C8orf34: variants seen among roughly 807,000 people sequenced by gnomAD.
The protein encoded by C8orf34 is uncharacterized protein C8orf34.
C8orf34 carries 65 observed loss-of-function variants against 68.3 expected under a neutral mutation model. That is an observed-to-expected ratio of 0.95 (90% CI 0.78 to 1.17). C8orf34 has a LOEUF of 1.17. C8orf34 is among the 50% of genes most tolerant of loss of function. The pLI, the probability that C8orf34 is intolerant of heterozygous loss-of-function variation, is 0.00. For synonymous variants in C8orf34, 244 were observed against 241.2 expected (o/e 1.01, Z -0.11); for missense variants, 664 against 655.4 (o/e 1.01, Z -0.14).
chr8:68,341,560 A>C (rs936282301), intron 1 of C8orf34, among the ~76,000 whole-genome samples: 1 of 152,100 alleles, frequency 6.6e-6, no homozygotes, highest in Non-Finnish European at 1.5e-5. Context: ...CTAGTGTTGA[A>C]GGTGGGGCCT....
intron 1 of C8orf34, 92 bp from the exon 2 acceptor site, chr8:68,439,407 C>A (rs1810801843): frequency 5.8e-6 from 7 of 1,207,058 alleles, no homozygotes; most frequent in South Asian, 3.0e-5. Flanking sequence ...GCAGTTAGAC[C>A]AGTACCTGAC....
intron 7 of C8orf34, among the ~76,000 whole-genome samples, chr8:68,594,368 A>G (rs1817481305): frequency 6.6e-6 from 1 of 152,056 alleles, no homozygotes; most frequent in Admixed American, 6.6e-5. Flanking sequence ...TGTTCCCTTT[A>G]TTTAAATATG....
chr8:68,548,179 T>C (rs1235830058), intron 7 of C8orf34, among the ~76,000 whole-genome samples: 3 of 151,274 alleles, frequency 2.0e-5, no homozygotes, highest in African/African-American at 4.8e-5. Flanking sequence ...AAAGAAAAAA[T>C]GGATAAATTA....
At chr8:68,805,129 G>A (rs768614490) in intron 12 of C8orf34, among the ~76,000 whole-genome samples, 4 of 152,174 alleles carry the variant, frequency 2.6e-5, no homozygotes, top group African/African-American at 7.2e-5. Flanking sequence ...AGTTTTAAAT[G>A]TTTCCTCTAA....
Position 68,488,006 on chromosome 8 carries a change from T to C in C8orf34, c.737-17T>C. On this transcript the variant is annotated splice_polypyrimidine_tract_variant and intron_variant, in intron 4 of 13. Transcript: ENST00000518698. ...TGCTTCTAAAACTTTTTTTTATAAATCTCTTTTAAATCCCAGGTATTGCAA... is the reference window on the plus strand; with the variant it reads ...TGCTTCTAAAACTTTTTTTTATAAACCTCTTTTAAATCCCAGGTATTGCAA... The C allele has an allele frequency of 6.4e-7, 1 of 1,573,894 alleles. No homozygotes were observed. The highest frequency in any genetic ancestry group is 8.7e-7 in the Non-Finnish European group (1 of 1,154,764).
At chr8:68,711,113 AG>A (rs1289186149) in intron 9 of C8orf34, among the ~76,000 whole-genome samples, 1 of 152,158 alleles carries the variant, frequency 6.6e-6, no homozygotes, top group Admixed American at 6.5e-5. Context: ...TCCTAGGGGA[AG>A]GGGGAGAACA....
chr8:68,335,881 A>AGGAC (rs1805826621), intron 1 of C8orf34, among the ~76,000 whole-genome samples: 2 of 152,044 alleles, frequency 1.3e-5, no homozygotes, highest in Non-Finnish European at 2.9e-5. Flanking sequence ...GGAGTTTGAG[A>AGGAC]CCAAAGACCA....
chr8:68,710,658 C>T (rs1279287443), intron 9 of C8orf34, among the ~76,000 whole-genome samples: 3 of 152,128 alleles, frequency 2.0e-5, no homozygotes, highest in Non-Finnish European at 4.4e-5. Flanking sequence ...CTCAGACGCA[C>T]CTATCTCTGC....
At chr8:68,749,908 C>T (rs149033371) in intron 10 of C8orf34, among the ~76,000 whole-genome samples, 215 of 152,172 alleles carry the variant, frequency 1.4e-3, no homozygotes, top group African/African-American at 4.2e-3. Context: ...TAATACTGGG[C>T]TAGTATTAAT....
intron 6 of C8orf34, among the ~76,000 whole-genome samples, chr8:68,531,339 T>C (rs1001859157): frequency 2.0e-5 from 3 of 152,164 alleles, no homozygotes; most frequent in Non-Finnish European, 4.4e-5. Context: ...TGGAATCTAG[T>C]TGTCAAATCT....
chr8:68,472,968 A>T (rs1278944096), intron 4 of C8orf34, among the ~76,000 whole-genome samples: 1 of 152,158 alleles, frequency 6.6e-6, no homozygotes, highest in Non-Finnish European at 1.5e-5. Context: ...ACTAATGTTA[A>T]CAAAAAAACC....
chr8:68,469,980 T>C (rs1209964996), intron 4 of C8orf34, among the ~76,000 whole-genome samples: 3 of 151,692 alleles, frequency 2.0e-5, no homozygotes, highest in African/African-American at 7.2e-5. Flanking sequence ...CTTTAGTTTT[T>C]TCACAGCTCT....
At chr8:68,726,501 C>G (rs1821834107) in intron 10 of C8orf34, among the ~76,000 whole-genome samples, 1 of 152,122 alleles carries the variant, frequency 6.6e-6, no homozygotes, top group Non-Finnish European at 1.5e-5. Flanking sequence ...GTTAGAGACT[C>G]TGGTAATTCT....
intron 3 of C8orf34, among the ~76,000 whole-genome samples, chr8:68,464,075 A>G (rs1437479976): frequency 6.6e-6 from 1 of 152,216 alleles, no homozygotes; most frequent in African/African-American, 2.4e-5. Context: ...CCTTAAGCTG[A>G]TAAGCAACTT....
In C8orf34 at chr8:68,331,254, G is replaced by T. The variant is rs956961332; in HGVS notation, c.242G>T (p.Arg81Leu). ...QPRVLPALSS[R>L]SHLFPMASHP... ...CGCGTTCTCCCTGCACTCTCTTCGC[G>T]GTCCCATCTGTTCCCCATGGCGTCT... Residue 81 changes from arginine to leucine, a missense_variant, in exon 1 of 14, where the codon CGG (arginine) becomes CTG (leucine). By Grantham distance (102) the Arg-to-Leu change is moderately radical (BLOSUM62 -2). Transcript: ENST00000518698. 2.8e-5 allele frequency: 43 copies of T among 1,536,310 alleles called. No homozygotes were observed. The highest frequency in any genetic ancestry group is 3.5e-5 in the Non-Finnish European group (40 of 1,146,954).
intron 8 of C8orf34, among the ~76,000 whole-genome samples, chr8:68,645,632 A>G (rs1819146069): frequency 6.6e-6 from 1 of 152,196 alleles, no homozygotes; most frequent in Admixed American, 6.5e-5. Flanking sequence ...GAACTTAATA[A>G]GTGAGCTTAA....
At chr8:68,711,093 G>A (rs933181723) in intron 9 of C8orf34, among the ~76,000 whole-genome samples, 1 of 152,118 alleles carries the variant, frequency 6.6e-6, no homozygotes, top group Non-Finnish European at 1.5e-5. Flanking sequence ...CAGCTCTCAG[G>A]AAGCCTCATT....
rs111932097 is a variant in C8orf34 at position 68,525,557 on chromosome 8, C to A, written c.938+3586C>A. The A allele has an allele frequency of 2.5e-3, 2,243 of 908,012 alleles. 4 individuals are homozygous for A. Among genetic ancestry groups the A allele is most frequent in the Non-Finnish European group, 3.5e-3 (1,982 of 564,536 alleles). The allele number at this position is 908,012 out of a possible 1,614,324, so 56.2% of individuals were successfully genotyped here. On this transcript the variant is annotated intron_variant, in intron 6 of 13. Transcript: ENST00000518698. ...CAGGATTTTCCCTCCTGTGTGTCTT[C>A]GTCTTACTTCTTTGTGGTCCATGAT...
intron 1 of C8orf34, among the ~76,000 whole-genome samples, chr8:68,436,065 G>A (rs1271977672): frequency 2.6e-5 from 4 of 152,074 alleles, no homozygotes; most frequent in African/African-American, 4.8e-5. Context: ...AAAATTAGTC[G>A]TGTGTGGTGG....
Sources: allele counts gnomAD v4.1 joint callset (sites outside exome capture counted in the v4.1 genomes callset), GRCh38; gene constraint gnomAD v4.1.1; transcripts MANE v1.5; gene names NCBI Gene and HGNC (gene_info 2026-07-23, HGNC 2026-07-21).